USP8: variants seen among roughly 807,000 people sequenced by gnomAD.
The protein encoded by USP8 is ubiquitin carboxyl-terminal hydrolase 8.
A neutral mutation model predicts 130.0 loss-of-function variants in USP8; 27 were observed. The ratio of observed to expected loss-of-function variants is 0.21; its 90% CI spans 0.15 to 0.29. USP8 has a LOEUF of 0.29. Ranked by LOEUF, USP8 falls within the 10% of genes least tolerant of loss-of-function variation. The pLI is 1.00. For synonymous variants in USP8, 392 were observed against 444.1 expected, an observed-to-expected ratio of 0.88 and a Z score of 1.48; for missense variants, 1,029 against 1,312.2, an observed-to-expected ratio of 0.78 and a Z score of 3.33.
At chr15:50,460,301 CTTTTTTT>C (rs1168064692) in intron 5 of USP8, among the ~76,000 whole-genome samples, 3 of 77,362 alleles carry the variant, frequency 3.9e-5, no homozygotes, top group Admixed American at 1.7e-4. Context: ...CCTGGCTCTT[CTTTTTTT>C]TTTTTTTTTT....
At chr15:50,489,708 C>T (rs2052089324) in intron 12 of USP8, 93 bp from the exon 13 acceptor site, 2 of 821,922 alleles carry the variant, frequency 2.4e-6, no homozygotes, top group African/African-American at 1.8e-5. Flanking sequence ...TTCTTTGGTA[C>T]AAGTAGCTTA....
Position 50,504,981 on chromosome 15 carries a change from CAA to C in USP8, c.*5908_*5909del, listed in dbSNP as rs773642840. 13 of 78,558 alleles carry C rather than the reference CAA, an allele frequency of 1.7e-4. No homozygotes were observed. The highest frequency in any genetic ancestry group is 1.1e-4 in the Non-Finnish European group (4 of 37,006). 4.9% of individuals were successfully genotyped at this position (78,558 alleles called of 1,614,324 possible). ...TGGGTGACAGAGTGAGACTCCATCT[CAA>C]AAAAAAAAAAAAAAGAATAAACTAT... On this transcript the variant is annotated 3_prime_UTR_variant, in exon 20 of 20. Transcript: ENST00000307179.
chr15:50,498,685 G>A lies in USP8; in HGVS notation c.3128G>A (p.Gly1043Asp). The A allele has an allele frequency of 1.2e-6, 2 of 1,612,382 alleles. No homozygotes were observed. Among genetic ancestry groups the A allele is most frequent in the Non-Finnish European group, 1.7e-6 (2 of 1,178,910 alleles). The change falls in exon 19 of 20, where the codon GGT becomes GAT. Residue 1043 changes from glycine to aspartate, a missense_variant. By Grantham distance (94) the Gly-to-Asp change is moderately conservative. This residue lies in a region of USP8 where 257 missense variants were observed against 429.8 expected (regional missense o/e 0.60). Coordinates refer to ENST00000307179, the MANE Select transcript of USP8 (RefSeq NM_005154.5). ...CTTGACTTGTCACAGTATGTTATTG[G>A]TCCAAAGAACAATTTGAAGAAATAT... ...ENLDLSQYVI[G>D]PKNNLKKYNL...
chr15:50,441,260 G>A, intron 2 of USP8, 89 bp from the exon 3 acceptor site: 1 of 1,296,994 alleles, frequency 7.7e-7, no homozygotes, highest in Non-Finnish European at 1.0e-6. Context: ...GGGGATCCCT[G>A]ATAAAGATTA....
Position 50,473,593 on chromosome 15 carries a change from G to A in USP8, c.849+1798G>A, listed in dbSNP as rs12591030. ...TAGCTCACTGCAGCCTTGAACTCCT[G>A]GCTCAAGTGATCCTACTGCCTCAGC... is the stretch of plus-strand genomic sequence containing the variant. On this transcript the variant is annotated intron_variant, in intron 8 of 19. Coordinates refer to ENST00000307179, the MANE Select transcript of USP8 (RefSeq NM_005154.5). 8.8e-4 allele frequency among the ~76,000 whole-genome samples: 133 copies of A among 151,842 alleles called. 1 individual carries two copies. The East Asian group carries it at 0.024, about 27-fold the overall frequency.
At chr15:50,494,998 G>A (rs143488383) in intron 16 of USP8, among the ~76,000 whole-genome samples, 145 of 147,382 alleles carry the variant, frequency 9.8e-4, no homozygotes, top group African/African-American at 2.5e-3. Flanking sequence ...CAGCCTGGGC[G>A]ACAGAGTGAG....
At chr15:50,491,503 T>C (rs1430501439) in intron 14 of USP8, among the ~76,000 whole-genome samples, 1 of 152,226 alleles carries the variant, frequency 6.6e-6, no homozygotes, top group Non-Finnish European at 1.5e-5. Context: ...TTTTAAGGAC[T>C]GTATGCTGTT....
At chr15:50,476,401 A>G (rs554294487) in intron 8 of USP8, among the ~76,000 whole-genome samples, 15 of 152,302 alleles carry the variant, frequency 9.8e-5, no homozygotes, top group African/African-American at 3.4e-4. Context: ...TTGCATTCCA[A>G]CTTGGGTGAT....
intron 18 of USP8, 42 bp from the exon 19 acceptor site, chr15:50,498,554 T>TATCTTCC (rs774541582): frequency 6.4e-7 from 1 of 1,552,106 alleles, no homozygotes; most frequent in Non-Finnish European, 8.7e-7. Flanking sequence ...TTCATCCTGG[T>TATCTTCC]ATCTTCCTCT....
chr15:50,474,448 A>T (rs2051493356), intron 8 of USP8, among the ~76,000 whole-genome samples: 1 of 152,246 alleles, frequency 6.6e-6, no homozygotes, highest in African/African-American at 2.4e-5. Context: ...GCTATGACAT[A>T]GGGAACCCAG....
At chr15:50,434,205 C>T (rs1268210221) in intron 1 of USP8, among the ~76,000 whole-genome samples, 1 of 151,656 alleles carries the variant, frequency 6.6e-6, no homozygotes, top group African/African-American at 2.4e-5. Flanking sequence ...TGGGTTCAAG[C>T]GATTTTTCTG....
chr15:50,437,266 C>T (rs1030611361), intron 1 of USP8, among the ~76,000 whole-genome samples: 1 of 152,086 alleles, frequency 6.6e-6, no homozygotes, highest in Non-Finnish European at 1.5e-5. Flanking sequence ...CTTGCTGTAC[C>T]CCTGAAGCTC....
Position 50,471,025 on chromosome 15 carries a change from T to C in USP8, c.687-608T>C, listed in dbSNP as rs796093328. On this transcript the variant is annotated intron_variant, in intron 7 of 19. Coordinates refer to ENST00000307179, the MANE Select transcript of USP8 (RefSeq NM_005154.5). ...GAACATGTACATGAGCCAGATTGCC[T>C]GAATTTTAATTCTGGCTCCACTTAC... Among the ~76,000 whole-genome samples, 3 of 152,336 alleles carry C rather than the reference T, an allele frequency of 2.0e-5. No homozygotes were observed. The South Asian group carries it at 6.2e-4, about 32-fold the overall frequency.
In USP8 at chr15:50,450,061, T is replaced by A. The variant is rs190232179; in HGVS notation, c.335+576T>A. 4.7e-3 allele frequency among the ~76,000 whole-genome samples: 714 copies of A among 151,300 alleles called. 11 individuals carry two copies. Among genetic ancestry groups the A allele is most frequent in the South Asian group, 0.045 (214 of 4,764 alleles). On this transcript the variant is annotated intron_variant, in intron 4 of 19. Coordinates refer to ENST00000307179, the MANE Select transcript of USP8 (RefSeq NM_005154.5). Reference sequence around the variant, plus strand: ...GGCGCCCGCCACCTCACCCGGCTAATTTTTTGTATTTTTAGTAGAGACGGG... The same window carrying A: ...GGCGCCCGCCACCTCACCCGGCTAAATTTTTGTATTTTTAGTAGAGACGGG...
intron 2 of USP8, among the ~76,000 whole-genome samples, chr15:50,441,001 CAAAAA>C (rs34390770): frequency 7.4e-6 from 1 of 135,504 alleles, no homozygotes. Context: ...GACCCCATCT[CAAAAA>C]AAAAAAAAAG....
chr15:50,456,774 T>C (rs1156231098), intron 4 of USP8, among the ~76,000 whole-genome samples: 1 of 152,026 alleles, frequency 6.6e-6, no homozygotes, highest in African/African-American at 2.4e-5. Context: ...TAATCCCAGC[T>C]ACTCGGGAGG....
intron 1 of USP8, among the ~76,000 whole-genome samples, chr15:50,433,215 C>T (rs2049984377): frequency 6.6e-6 from 1 of 150,404 alleles, no homozygotes; most frequent in South Asian, 2.1e-4. Flanking sequence ...GCTTGGGCGA[C>T]AGAGTGAGAC....
rs977808605 is a variant in USP8, at chr15:50,505,360, G to C, written c.*6272G>C. ...CTCCATAGCAGCCATAGAAATCAGA[G>C]ACAATACAGTAGCTTCAAAATAATA... On this transcript the variant is annotated 3_prime_UTR_variant, in exon 20 of 20. Coordinates refer to ENST00000307179, the MANE Select transcript of USP8 (RefSeq NM_005154.5). The C allele has an allele frequency of 3.9e-5, 6 of 152,112 alleles. No individual in the cohort carries two copies. Among genetic ancestry groups the C allele is most frequent in the Non-Finnish European group, 8.8e-5 (6 of 68,018 alleles). 9.4% of individuals were successfully genotyped at this position (152,112 alleles called of 1,614,324 possible).
At chr15:50,458,563 AAAAT>A (rs2050871581) in intron 4 of USP8, 1 of 163,036 alleles carries the variant, frequency 6.1e-6, no homozygotes, top group South Asian at 1.6e-4. Context: ...ATCCTTTAAA[AAAAT>A]GTAACTTGGG....
Sources: allele counts gnomAD v4.1 joint callset (sites outside exome capture counted in the v4.1 genomes callset), GRCh38; gene constraint gnomAD v4.1.1; regional missense constraint gnomAD v4.1.1; transcripts MANE v1.5; gene names NCBI Gene and HGNC (gene_info 2026-07-23, HGNC 2026-07-21).